Variants in AGBL1 observed in about 807,000 individuals in gnomAD.
AGBL1 encodes the protein cytosolic carboxypeptidase 4.
A neutral mutation model predicts 118.9 loss-of-function variants in AGBL1; 130 were observed. The ratio of observed to expected loss-of-function variants is 1.09; its 90% confidence interval spans 0.95 to 1.26. The LOEUF is 1.26. AGBL1 is among the 50% of genes most tolerant of loss of function. The pLI, the probability that AGBL1 is intolerant of heterozygous loss-of-function variation, is 0.00. For missense variants in AGBL1, 1,584 were observed against 1,298.1 expected (o/e 1.22, Z -3.38); for synonymous variants, 555 against 478.9 (o/e 1.16, Z -2.08).
chr15:86,739,638 CATAA>C (rs2077649960), intron 22 of AGBL1, among the ~76,000 whole-genome samples: 1 of 151,944 alleles, frequency 6.6e-6, no homozygotes. Flanking sequence ...TACCAGCTCC[CATAA>C]ATAATCTATC....
chr15:86,898,234 T>G (rs1055144949), intron 22 of AGBL1, among the ~76,000 whole-genome samples: 12 of 152,220 alleles, frequency 7.9e-5, no homozygotes, highest in Non-Finnish European at 1.6e-4. Flanking sequence ...GTCTAAAAAG[T>G]AGCTTGACTG....
intron 5 of AGBL1, among the ~76,000 whole-genome samples, chr15:86,165,910 G>A (rs1200922464): frequency 6.6e-6 from 1 of 152,126 alleles, no homozygotes; most frequent in Non-Finnish European, 1.5e-5. Flanking sequence ...TAGCTGATGG[G>A]GAATGAATAG....
intron 21 of AGBL1, among the ~76,000 whole-genome samples, chr15:86,599,655 C>T (rs1157345987): frequency 6.6e-6 from 1 of 152,042 alleles, no homozygotes; most frequent in African/African-American, 2.4e-5. Context: ...TCCACAATGG[C>T]CCAGTAAGCT....
chr15:86,279,898 G>T, intron 16 of AGBL1, 115 bp downstream of exon 16: 1 of 1,338,436 alleles, frequency 7.5e-7, no homozygotes, highest in African/African-American at 1.5e-5. Context: ...GAATGTAGGG[G>T]AACTACAGCC....
At chr15:86,678,783 TGAGTATA>T (rs2085895917) in intron 22 of AGBL1, among the ~76,000 whole-genome samples, 1 of 152,170 alleles carries the variant, frequency 6.6e-6, no homozygotes, top group South Asian at 2.1e-4. Context: ...AGTTTTATAG[TGAGTATA>T]TTTACATATT....
At chr15:86,484,263 G>A (rs543832256) in intron 18 of AGBL1, among the ~76,000 whole-genome samples, 4 of 152,220 alleles carry the variant, frequency 2.6e-5, no homozygotes, top group African/African-American at 9.6e-5. Flanking sequence ...GGCTGATAGA[G>A]GAGATGAATG....
rs11856211 is a variant in AGBL1, at chr15:86,450,586, C to A, written c.2555+53040C>A. 9.1e-3 allele frequency among the ~76,000 whole-genome samples: 1,383 copies of A among 152,226 alleles called. 24 individuals carry two copies. The highest frequency in any genetic ancestry group is 0.031 in the African/African-American group (1,282 of 41,532). On this transcript the variant is annotated intron_variant, in intron 18 of 22. Coordinates refer to ENST00000614907, the MANE Select transcript of AGBL1 (RefSeq NM_001386094.1). The stretch of plus-strand genomic sequence containing the variant: ...AGGCCGGAGAATGACTACTTACTTA[C>A]CCAAAACCTAACTTTTTTGACTACT...
At chr15:86,966,382 A>T (rs1233604846) in intron 23 of AGBL1, among the ~76,000 whole-genome samples, 1 of 150,544 alleles carries the variant, frequency 6.6e-6, no homozygotes, top group Admixed American at 6.7e-5. Flanking sequence ...TATGCAGGTT[A>T]GTTACATATG....
At chr15:86,952,444 A>G (rs1043278685) in intron 23 of AGBL1, among the ~76,000 whole-genome samples, 5 of 152,174 alleles carry the variant, frequency 3.3e-5, no homozygotes, top group African/African-American at 1.2e-4. Flanking sequence ...ATTGACACTT[A>G]ATGTGATTAT....
intron 5 of AGBL1, among the ~76,000 whole-genome samples, chr15:86,191,007 C>A (rs1178726222): frequency 6.6e-6 from 1 of 152,020 alleles, no homozygotes; most frequent in Non-Finnish European, 1.5e-5. Flanking sequence ...GATGCCAAAA[C>A]AACAGAATGA....
intron 19 of AGBL1, among the ~76,000 whole-genome samples, chr15:86,530,703 T>A (rs546534739): frequency 6.6e-6 from 1 of 150,544 alleles, no homozygotes; most frequent in South Asian, 2.1e-4. Flanking sequence ...GACCACATAG[T>A]TGGAAGTAAA....
At chr15:86,698,679 G>A (rs975868091) in intron 22 of AGBL1, among the ~76,000 whole-genome samples, 2 of 151,280 alleles carry the variant, frequency 1.3e-5, no homozygotes, top group African/African-American at 2.4e-5. Context: ...CTCAGGCAAG[G>A]AAGCTCAATC....
chr15:86,855,687 G>C (rs1446414065), intron 22 of AGBL1, among the ~76,000 whole-genome samples: 1 of 152,200 alleles, frequency 6.6e-6, no homozygotes, highest in East Asian at 1.9e-4. Context: ...AGTGTAATTA[G>C]AGCAAAAACC....
At chr15:86,753,397 C>CTTTTT (rs1555446759) in intron 22 of AGBL1, among the ~76,000 whole-genome samples, 9 of 111,292 alleles carry the variant, frequency 8.1e-5, no homozygotes, top group East Asian at 2.6e-4. Flanking sequence ...TTTTCTTTTT[C>CTTTTT]TTTTTTTTTT....
chr15:87,024,410 TCTC>T (rs1203715084), intron 24 of AGBL1, among the ~76,000 whole-genome samples: 1 of 151,802 alleles, frequency 6.6e-6, no homozygotes, highest in Admixed American at 6.6e-5. Flanking sequence ...AAGATACAAC[TCTC>T]CTAGCATAAC....
At chr15:86,863,320 T>C (rs2079584070) in intron 22 of AGBL1, among the ~76,000 whole-genome samples, 1 of 152,202 alleles carries the variant, frequency 6.6e-6, no homozygotes, top group African/African-American at 2.4e-5. Flanking sequence ...TATTTCCTCA[T>C]CAAAGAGAAA....
chr15:86,283,798 A>G (rs1182560718), intron 16 of AGBL1, among the ~76,000 whole-genome samples: 1 of 152,166 alleles, frequency 6.6e-6, no homozygotes, highest in Non-Finnish European at 1.5e-5. Context: ...GAAGAAGCCA[A>G]TATGTGCATG....
intron 22 of AGBL1, among the ~76,000 whole-genome samples, chr15:86,806,824 TATA>T (rs1271535483): frequency 2.7e-5 from 4 of 149,830 alleles, no homozygotes; most frequent in Non-Finnish European, 5.9e-5. Flanking sequence ...ATATAAATAT[TATA>T]ATTAATAACT....
At chr15:86,362,887 T>C (rs2080827720) in intron 17 of AGBL1, among the ~76,000 whole-genome samples, 1 of 152,224 alleles carries the variant, frequency 6.6e-6, no homozygotes, top group African/African-American at 2.4e-5. Context: ...ACTGGCAGGA[T>C]GAAGCTTGGA....
Sources: allele counts gnomAD v4.1 joint callset (sites outside exome capture counted in the v4.1 genomes callset), GRCh38; gene constraint gnomAD v4.1.1; transcripts MANE v1.5; gene names NCBI Gene and HGNC (gene_info 2026-07-23, HGNC 2026-07-21).